The following HMCN1 variants were observed in gnomAD, a reference collection of about 807,000 sequenced individuals.
The protein encoded by HMCN1 is hemicentin-1.
In HMCN1, 321 loss-of-function variants were observed where a neutral mutation model predicts 625.9. The observed-to-expected ratio is 0.51, with a 90% CI of 0.47 to 0.56. The LOEUF (loss-of-function observed/expected upper bound fraction) is 0.56, where lower values mean the gene tolerates loss of function less well. HMCN1 is among the 20% of genes least tolerant of loss of function. The probability of loss-of-function intolerance (pLI) is 0.00; values close to 1 mark genes in which losing one functional copy is unlikely to be tolerated. For missense variants in HMCN1, 6,588 were observed against 6,887.3 expected (o/e 0.96, Z 1.54); for synonymous variants, 2,425 against 2,417.6 (o/e 1.00, Z -0.09).
intron 9 of HMCN1, 23 bp downstream of exon 9, chr1:185,925,214 A>C (rs1448522862): frequency 6.2e-7 from 1 of 1,600,168 alleles, no homozygotes; most frequent in East Asian, 2.2e-5. Flanking sequence ...TTCTGTCAGT[A>C]ATAAGATTCA....
chr1:185,937,684 A>G (rs183599989), intron 11 of HMCN1, among the ~76,000 whole-genome samples: 193 of 152,168 alleles, frequency 1.3e-3, no homozygotes, highest in African/African-American at 4.4e-3. Flanking sequence ...GATTGAGACC[A>G]TCCTGGCTAA....
chr1:185,951,038 A>C (rs531308343), intron 11 of HMCN1, among the ~76,000 whole-genome samples: 1 of 151,508 alleles, frequency 6.6e-6, no homozygotes, highest in East Asian at 1.9e-4. Flanking sequence ...GCGGGATGGG[A>C]TATTGGTGTC....
intron 31 of HMCN1, 127 bp from the exon 32 acceptor site, chr1:186,015,831 C>G (rs1416320752): frequency 7.4e-6 from 6 of 807,980 alleles, no homozygotes; most frequent in Admixed American, 2.1e-5. Flanking sequence ...TAGAGGGAGA[C>G]AGGCATATAG....
Position 185,993,240 on chromosome 1 carries a change from G to A in HMCN1, c.3436G>A (p.Gly1146Arg), listed in dbSNP as rs565095599. ...KITETRTSDSGMYLCVATNIA... is the reference protein window; with the variant it reads ...KITETRTSDSRMYLCVATNIA... Reference sequence around the variant, plus strand: ...CACTGAAACCCGCACTTCAGATAGTGGGATGTATCTTTGTGTTGCCACAAA... The same window carrying A: ...CACTGAAACCCGCACTTCAGATAGTAGGATGTATCTTTGTGTTGCCACAAA... Residue 1146 changes from glycine (G) to arginine (R), a missense_variant, in exon 23 of 107, where the codon GGG becomes AGG. Transcript: ENST00000271588. 5.0e-5 allele frequency: 80 copies of A among 1,612,944 alleles called. 2 individuals carry two copies. In the South Asian group the frequency reaches 8.8e-4, roughly 18 times the overall value.
At chr1:185,812,546 G>A (rs1051055414) in intron 1 of HMCN1, among the ~76,000 whole-genome samples, 5 of 152,102 alleles carry the variant, frequency 3.3e-5, no homozygotes, top group Non-Finnish European at 5.9e-5. Context: ...AGTGAAAATT[G>A]TAAGTATGAT....
At position 186,166,194 on chromosome 1, in the gene HMCN1, A is replaced by G. The variant is rs769578569; in HGVS notation, c.15330A>G (p.Glu5110=). The G allele has an allele frequency of 1.9e-6, 3 of 1,613,956 alleles. No individual in the cohort carries two copies. Among genetic ancestry groups the G allele is most frequent in the Non-Finnish European group, 2.5e-6 (3 of 1,180,008 alleles). ...TGTTTCTTCTTTAAGATGAGGATGA[A>G]TGTGCAGCAGGGAATCCCTGCTCCC... The part of the protein sequence containing the change: ...SVGPFCADED[E]CAAGNPCSHS... Residue 5110 remains glutamate, a synonymous_variant, in exon 99 of 107, where the codon GAA becomes GAG. Transcript: ENST00000271588.
intron 11 of HMCN1, among the ~76,000 whole-genome samples, chr1:185,942,587 C>A (rs574912272): frequency 6.6e-6 from 1 of 152,300 alleles, no homozygotes; most frequent in African/African-American, 2.4e-5. Context: ...TTCTCACAGA[C>A]GGCTGTTATT....
In HMCN1 at chr1:186,145,563, CAT is replaced by C; in HGVS notation, c.14428_14429del (p.Met4810ValfsTer12). The C allele has an allele frequency of 6.2e-7, 1 of 1,614,046 alleles. No homozygotes were observed. The highest frequency in any genetic ancestry group is 8.5e-7 in the Non-Finnish European group (1 of 1,179,976). On this transcript the variant is annotated frameshift_variant, in exon 92 of 107. Coordinates refer to ENST00000271588, the MANE Select transcript of HMCN1 (RefSeq NM_031935.3). LOFTEE classifies it high-confidence loss of function. ...CCCAGATCCAGAGGTGCAACACTGA[CAT>C]GTGTCCTGGTGAGCCTCTTGATTTC... ...DSQIQRCNTDMCPVDGSWGSW... is the reference protein window; with the variant it reads ...DSQIQRCNTDXCPVDGSWGSW...
chr1:185,743,950 A>G (rs1654173272), intron 1 of HMCN1, among the ~76,000 whole-genome samples: 1 of 151,876 alleles, frequency 6.6e-6, no homozygotes, highest in African/African-American at 2.4e-5. Context: ...AATTACATAG[A>G]AAAAGATTCT....
Position 186,016,227 on chromosome 1 carries a change from G to A in HMCN1, c.5179G>A (p.Val1727Ile). 6.2e-7 allele frequency: 1 copy of A among 1,612,776 alleles called. No individual in the cohort carries two copies. The highest frequency in any genetic ancestry group is 8.5e-7 in the Non-Finnish European group (1 of 1,179,032). ...VAGEKEIKYEVDVLVPPAIEG... is the reference protein window; with the variant it reads ...VAGEKEIKYEIDVLVPPAIEG... Reference sequence around the variant, plus strand: ...AGGAGAAAAGGAAATCAAATATGAAGTTGATGTCTTGGGTAAATAAGGATG... The same window carrying A: ...AGGAGAAAAGGAAATCAAATATGAAATTGATGTCTTGGGTAAATAAGGATG... The change falls in exon 32 of 107, where the codon GTT becomes ATT. Residue 1727 changes from valine (V) to isoleucine (I), a missense_variant. Transcript: ENST00000271588.
At chr1:185,892,449 C>A (rs1665169184) in intron 4 of HMCN1, among the ~76,000 whole-genome samples, 1 of 151,756 alleles carries the variant, frequency 6.6e-6, no homozygotes, top group African/African-American at 2.4e-5. Context: ...GTTTTATCTA[C>A]TTTTGGTCTT....
At chr1:185,787,029 T>G (rs1657630384) in intron 1 of HMCN1, among the ~76,000 whole-genome samples, 1 of 152,206 alleles carries the variant, frequency 6.6e-6, no homozygotes, top group Non-Finnish European at 1.5e-5. Context: ...TGTAATTTAA[T>G]AAGCTAGAAT....
intron 1 of HMCN1, among the ~76,000 whole-genome samples, chr1:185,828,664 A>C (rs772834245): frequency 2.0e-4 from 30 of 152,216 alleles, no homozygotes; most frequent in Non-Finnish European, 3.5e-4. Context: ...ATACAGCACC[A>C]CAAGGAAAAG....
chr1:185,838,730 A>G (rs775297312), intron 1 of HMCN1, among the ~76,000 whole-genome samples: 3 of 152,216 alleles, frequency 2.0e-5, no homozygotes, highest in Non-Finnish European at 4.4e-5. Flanking sequence ...GGACATTGTC[A>G]TAAATCCATG....
chr1:186,119,696 T>A (rs1361543606), intron 78 of HMCN1, 49 bp from the exon 79 acceptor site: 1 of 1,585,462 alleles, frequency 6.3e-7, no homozygotes, highest in Admixed American at 1.7e-5. Context: ...ATAGACATGG[T>A]TTATTAACTA....
At position 185,865,728 on chromosome 1, in the gene HMCN1, T is replaced by C; in HGVS notation, c.499-13T>C. ...ACCCTTTACACTGTTTCTTTTTTTT[T>C]TTTTAATCATAGGTCGTATTTGTTC... On this transcript the variant is annotated splice_polypyrimidine_tract_variant and intron_variant, in intron 3 of 106. Coordinates refer to ENST00000271588, the MANE Select transcript of HMCN1 (RefSeq NM_031935.3). The C allele has an allele frequency of 6.2e-7, 1 of 1,605,764 alleles. No homozygotes were observed. Among genetic ancestry groups the C allele is most frequent in the Non-Finnish European group, 8.5e-7 (1 of 1,175,166 alleles).
chr1:186,108,035 TAAAA>T (rs559777006), intron 70 of HMCN1, among the ~76,000 whole-genome samples: 3 of 98,296 alleles, frequency 3.1e-5, no homozygotes, highest in Non-Finnish European at 4.0e-5. Flanking sequence ...GTAAATTCTG[TAAAA>T]AAAAAAAAAA....
intron 68 of HMCN1, among the ~76,000 whole-genome samples, chr1:186,100,013 G>A (rs187965006): frequency 6.6e-6 from 1 of 152,136 alleles, no homozygotes; most frequent in East Asian, 1.9e-4. Context: ...AGAGGCTGCT[G>A]TATTCATACA....
At chr1:186,025,228 C>T (rs1287084917) in intron 36 of HMCN1, among the ~76,000 whole-genome samples, 1 of 152,128 alleles carries the variant, frequency 6.6e-6, no homozygotes. Context: ...TGCTTGCTCT[C>T]CTGCCACTCA....
Sources: gnomAD v4.1 joint callset for allele counts (sites outside exome capture counted in the v4.1 genomes callset) on GRCh38, gnomAD v4.1.1 for gene constraint, MANE v1.5 for transcripts, NCBI Gene and HGNC (gene_info 2026-07-23, HGNC 2026-07-21) for gene names.